NAA15: variants seen among roughly 807,000 people sequenced by gnomAD.
NAA15 encodes the protein N-terminal acetyltransferase.
A neutral mutation model predicts 114.0 loss-of-function variants in NAA15; 34 were observed. The observed-to-expected ratio is 0.30, with a 90% CI of 0.23 to 0.40. NAA15 has a LOEUF of 0.40. Ranked by LOEUF, NAA15 falls within the 10% of genes least tolerant of loss-of-function variation. NAA15 has a pLI of 1.00. For missense variants in NAA15, 658 were observed against 1,004.5 expected, an observed-to-expected ratio of 0.66 and a Z score of 4.66; for synonymous variants, 340 against 338.0, an observed-to-expected ratio of 1.01 and a Z score of -0.06.
intron 1 of NAA15, among the ~76,000 whole-genome samples, chr4:139,310,441 G>A (rs1746183306): frequency 6.9e-6 from 1 of 144,822 alleles, no homozygotes; most frequent in South Asian, 2.2e-4. Flanking sequence ...GCGACAGAGC[G>A]AGACTCCGTC....
In NAA15 at chr4:139,361,786, C is replaced by T. The variant is rs1748138995; in HGVS notation, c.1602C>T (p.Thr534=). ...DFHTYCMRKI[T]LRSYVDLLKL... ...ATACATACTGTATGAGGAAGATTACCCTTAGATCATATGTGGACTTATTAA... is the reference window on the plus strand; with the variant it reads ...ATACATACTGTATGAGGAAGATTACTCTTAGATCATATGTGGACTTATTAA... The change falls in exon 14 of 20, where the codon ACC becomes ACT. Residue 534 remains threonine (T), a synonymous_variant. Coordinates refer to ENST00000296543, the MANE Select transcript of NAA15 (RefSeq NM_057175.5). 6 of 1,612,630 alleles carry T rather than the reference C, an allele frequency of 3.7e-6. No homozygotes were observed. The highest frequency in any genetic ancestry group is 5.1e-6 in the Non-Finnish European group (6 of 1,179,138).
chr4:139,328,348 A>T (rs1219795053), intron 1 of NAA15, among the ~76,000 whole-genome samples: 3 of 152,036 alleles, frequency 2.0e-5, no homozygotes, highest in African/African-American at 7.2e-5. Flanking sequence ...CTGGGATTAC[A>T]GGTGTCCGCC....
chr4:139,333,786 G>A (rs939093950), intron 1 of NAA15, among the ~76,000 whole-genome samples: 4 of 151,990 alleles, frequency 2.6e-5, no homozygotes, highest in Admixed American at 1.3e-4. Flanking sequence ...TGTAGTCCCA[G>A]CTACTTGGGA....
In NAA15 at chr4:139,358,273, A is replaced by G. The variant is rs114951381; in HGVS notation, c.1257+718A>G. ...AGTGGCGCGATCTCAGCTCCCTGCAATGTCTGCCTTCCGGGTTGAAGCAAT... is the reference window on the plus strand; with the variant it reads ...AGTGGCGCGATCTCAGCTCCCTGCAGTGTCTGCCTTCCGGGTTGAAGCAAT... On this transcript the variant is annotated intron_variant, in intron 11 of 19. Transcript: ENST00000296543. Among the ~76,000 whole-genome samples the G allele has an allele frequency of 8.8e-3, 1,327 of 151,508 alleles. 19 individuals carry two copies. The highest frequency in any genetic ancestry group is 0.031 in the African/African-American group (1,276 of 41,338).
intron 17 of NAA15, among the ~76,000 whole-genome samples, chr4:139,384,297 C>T (rs750047776): frequency 3.9e-5 from 6 of 151,964 alleles, no homozygotes; most frequent in East Asian, 1.9e-4. Flanking sequence ...GGCAACATGG[C>T]GAAACCCTGT....
At chr4:139,378,163 T>C (rs1748642378) in intron 16 of NAA15, among the ~76,000 whole-genome samples, 1 of 152,156 alleles carries the variant, frequency 6.6e-6, no homozygotes, top group African/African-American at 2.4e-5. Flanking sequence ...TAGATAAAAC[T>C]TGGAAGTGGA....
Position 139,357,417 on chromosome 4 carries a change from A to G in NAA15, c.1119A>G (p.Leu373=). Residue 373 remains leucine (L), a synonymous_variant, in exon 11 of 20, where the codon TTA becomes TTG. Coordinates refer to ENST00000296543, the MANE Select transcript of NAA15 (RefSeq NM_057175.5). The stretch of plus-strand genomic sequence containing the variant: ...GAAAGGAGGAACCACCAACCACATT[A>G]CTTTGGGTCCAGTACTACTTGGCAC... ...DDGKEEPPTT[L]LWVQYYLAQH... The G allele has an allele frequency of 6.2e-7, 1 of 1,613,840 alleles. No individual in the cohort carries two copies. The highest frequency in any genetic ancestry group is 8.5e-7 in the Non-Finnish European group (1 of 1,179,884).
At chr4:139,325,063 G>T (rs1266520402) in intron 1 of NAA15, among the ~76,000 whole-genome samples, 1 of 152,092 alleles carries the variant, frequency 6.6e-6, no homozygotes, top group Non-Finnish European at 1.5e-5. Context: ...TTCTAAGTAT[G>T]ATGAAGTAAA....
intron 17 of NAA15, among the ~76,000 whole-genome samples, chr4:139,380,692 A>G (rs1171358328): frequency 6.6e-6 from 1 of 152,084 alleles, no homozygotes; most frequent in African/African-American, 2.4e-5. Context: ...TTACAAAGTG[A>G]TCTAATTTTG....
chr4:139,340,898 A>AC lies in NAA15; in HGVS notation c.245-13dup, dbSNP rs1274700509. On this transcript the variant is annotated splice_polypyrimidine_tract_variant and intron_variant, in intron 3 of 19. Coordinates refer to ENST00000296543, the MANE Select transcript of NAA15 (RefSeq NM_057175.5). ...TTTTGACTTGTAGGTTGTACCCTTA[A>AC]CTAAATTCTTTAGGTTGGCACGTTT... 2.0e-6 allele frequency: 3 copies of AC among 1,532,426 alleles called. No homozygotes were observed. The African/African-American group carries it at 4.2e-5, about 22-fold the overall frequency. The allele number at this position is 1,532,426 out of a possible 1,614,324, so 94.9% of individuals were successfully genotyped here.
intron 1 of NAA15, among the ~76,000 whole-genome samples, chr4:139,329,056 A>AT (rs71600192): frequency 0.32 from 37,158 of 115,608 alleles, 4,806 homozygotes; most frequent in African/African-American, 0.41. Context: ...TTTTTTTTGT[A>AT]TTTTTAGTAG....
chr4:139,310,050 A>G (rs1746164334), intron 1 of NAA15, among the ~76,000 whole-genome samples: 1 of 152,186 alleles, frequency 6.6e-6, no homozygotes, highest in Non-Finnish European at 1.5e-5. Context: ...AGCTGGCCTC[A>G]ACTGAAGGGA....
intron 15 of NAA15, among the ~76,000 whole-genome samples, chr4:139,375,513 T>A (rs1560980066): frequency 6.6e-6 from 1 of 152,130 alleles, no homozygotes. Context: ...AGAAGCTGTT[T>A]TGGTGAAATC....
chr4:139,301,961 C>A (rs1221999140), intron 1 of NAA15, 130 bp downstream of exon 1: 9 of 978,400 alleles, frequency 9.2e-6, no homozygotes, highest in Non-Finnish European at 1.4e-5. Flanking sequence ...TCTCGTCAGG[C>A]CGAATGCATT....
intron 14 of NAA15, among the ~76,000 whole-genome samples, chr4:139,368,091 T>G (rs896488881): frequency 2.0e-5 from 3 of 152,076 alleles, no homozygotes; most frequent in African/African-American, 7.2e-5. Flanking sequence ...CATTTTAGGT[T>G]TTTGTTACAG....
In NAA15 at chr4:139,351,207, G is replaced by T; in HGVS notation, c.828G>T (p.Arg276=). ...TGTTTGCAGCTAATATGTTAGAACGGCTAAAAATTTATGAGGAAGCCTGGA... is the reference window on the plus strand; with the variant it reads ...TGTTTGCAGCTAATATGTTAGAACGTCTAAAAATTTATGAGGAAGCCTGGA... ...KALKPANMLE[R]LKIYEEAWTK... Residue 276 remains arginine (R), a synonymous_variant, in exon 8 of 20, where the codon CGG becomes CGT. Transcript: ENST00000296543. The T allele has an allele frequency of 6.3e-7, 1 of 1,596,616 alleles. No homozygotes were observed. The highest frequency in any genetic ancestry group is 8.5e-7 in the Non-Finnish European group (1 of 1,170,160).
At chr4:139,375,346 A>C (rs756473840) in intron 15 of NAA15, among the ~76,000 whole-genome samples, 3 of 152,224 alleles carry the variant, frequency 2.0e-5, no homozygotes, top group Non-Finnish European at 2.9e-5. Flanking sequence ...ACATTCCGGC[A>C]CTGGAGCTGG....
At chr4:139,334,306 T>G in intron 2 of NAA15, 48 bp downstream of exon 2, 2 of 1,239,388 alleles carry the variant, frequency 1.6e-6, no homozygotes, top group Non-Finnish European at 2.3e-6. Flanking sequence ...CTGGCCTCTC[T>G]TACTGGATTG....
At chr4:139,385,179 T>C (rs1240059096) in intron 18 of NAA15, among the ~76,000 whole-genome samples, 1 of 150,158 alleles carries the variant, frequency 6.7e-6, no homozygotes, top group Non-Finnish European at 1.5e-5. Context: ...CTACTCAGGA[T>C]GCTGAGGCAG....
Sources: gnomAD v4.1 joint callset for allele counts (sites outside exome capture counted in the v4.1 genomes callset) on GRCh38, gnomAD v4.1.1 for gene constraint, MANE v1.5 for transcripts, NCBI Gene and HGNC (gene_info 2026-07-23, HGNC 2026-07-21) for gene names.